The following IL34 variants were observed in gnomAD, a reference collection of about 807,000 sequenced individuals.
IL34 encodes interleukin-34.
IL34 carries 17 observed loss-of-function variants against 25.3 expected under a neutral mutation model. The observed-to-expected ratio is 0.67, with a 90% CI of 0.46 to 1.01. IL34 has a LOEUF of 1.01. Ranked by LOEUF, IL34 falls within the 50% of genes least tolerant of loss-of-function variation. The pLI is 0.00. For synonymous variants in IL34, 174 were observed against 140.9 expected (o/e 1.23, Z -1.66); for missense variants, 368 against 312.9 (o/e 1.18, Z -1.33).
intron 1 of IL34, among the ~76,000 whole-genome samples, chr16:70,625,185 T>G (rs2051364647): frequency 6.6e-6 from 1 of 151,894 alleles, no homozygotes; most frequent in Admixed American, 6.6e-5. Flanking sequence ...TGAAGAGGTT[T>G]TAAGTTCGTG....
chr16:70,646,634 T>A lies in IL34; in HGVS notation c.-314T>A. ...AGATTCCGAGGGGCCTGCCAGGGAC[T>A]CTCTCCTCCTGCTCCTTGGAAAGGA... On this transcript the variant is annotated 5_prime_UTR_variant, in exon 1 of 6. Transcript: ENST00000288098. 2.6e-6 allele frequency: 1 copy of A among 387,168 alleles called. No individual in the cohort carries two copies. Among genetic ancestry groups the A allele is most frequent in the Admixed American group, 4.6e-5 (1 of 21,658 alleles). The allele number at this position is 387,168 out of a possible 1,614,324, so 24.0% of individuals were successfully genotyped here.
upstream of IL34, among the ~76,000 whole-genome samples, chr16:70,645,091 AAGG>A (rs1218675243): frequency 7.7e-6 from 1 of 129,204 alleles, no homozygotes. Context: ...GAAGAGTAGG[AAGG>A]AGGAGGGGGA....
At chr16:70,591,008 C>A (rs2050748033) in intron 1 of IL34, among the ~76,000 whole-genome samples, 1 of 152,114 alleles carries the variant, frequency 6.6e-6, no homozygotes, top group African/African-American at 2.4e-5. Context: ...GGCCCCGGCC[C>A]CAGCCTGCTC....
chr16:70,655,401 T>A (rs1247853934), intron 2 of IL34, among the ~76,000 whole-genome samples: 1 of 151,500 alleles, frequency 6.6e-6, no homozygotes, highest in African/African-American at 2.4e-5. Context: ...CCTTTTCTTT[T>A]CTTTTGAGAC....
intron 1 of IL34, among the ~76,000 whole-genome samples, chr16:70,608,378 C>T (rs986870278): frequency 1.3e-5 from 2 of 152,144 alleles, no homozygotes; most frequent in African/African-American, 4.8e-5. Flanking sequence ...ATCCACCCGC[C>T]TTGGCCTCCC....
intron 1 of IL34, among the ~76,000 whole-genome samples, chr16:70,637,833 A>G (rs190304261): frequency 1.3e-5 from 2 of 152,268 alleles, no homozygotes; most frequent in Non-Finnish European, 2.9e-5. Flanking sequence ...AAAAGGTATA[A>G]TTATTTTGCT....
chr16:70,617,264 G>C (rs1183037990), intron 1 of IL34, among the ~76,000 whole-genome samples: 2 of 152,196 alleles, frequency 1.3e-5, no homozygotes, highest in South Asian at 4.1e-4. Flanking sequence ...CATCTGATTA[G>C]AGAGTGCCTA....
At position 70,660,174 on chromosome 16, in the gene IL34, G is replaced by A. The variant is rs1437583143; in HGVS notation, c.716G>A (p.Gly239Asp). 2 of 1,592,068 alleles carry A rather than the reference G, an allele frequency of 1.3e-6. No individual in the cohort carries two copies. Among genetic ancestry groups the A allele is most frequent in the Admixed American group, 3.6e-5 (2 of 56,246 alleles). Residue 239 changes from glycine to aspartate, a missense_variant, in exon 6 of 6, where the codon GGC (glycine) becomes GAC (aspartate). Coordinates refer to ENST00000288098, the MANE Select transcript of IL34 (RefSeq NM_001393494.1). ...SVRPVRAQGE[G>D]LLP ...AGGCCGGTCAGGGCACAGGGCGAGG[G>A]CCTCTTGCCCTGAGCACCCTGGATG...
chr16:70,594,576 C>G (rs1312549228), intron 1 of IL34, among the ~76,000 whole-genome samples: 1 of 152,134 alleles, frequency 6.6e-6, no homozygotes, highest in Non-Finnish European at 1.5e-5. Context: ...TATATTCAAG[C>G]TCTAATCTAA....
At chr16:70,614,053 G>A (rs776279673) in intron 1 of IL34, among the ~76,000 whole-genome samples, 1 of 151,772 alleles carries the variant, frequency 6.6e-6, no homozygotes, top group Admixed American at 6.6e-5. Flanking sequence ...GCGTGGTGGT[G>A]CACGCCTGTA....
Position 70,659,686 on chromosome 16 carries a change from G to C in IL34, c.471G>C (p.Lys157Asn). The C allele has an allele frequency of 6.2e-7, 1 of 1,612,810 alleles. No individual in the cohort carries two copies. The highest frequency in any genetic ancestry group is 1.1e-5 in the South Asian group (1 of 90,916). ...SLLNAPGPNL[K>N]LVRPKALLDN... is the part of the protein sequence containing the mutation. ...TGAATGCCCCAGGGCCAAACCTGAA[G>C]CTGGTGCGGCCCAAAGCCCTGCTGG... The change falls in exon 5 of 6, where the codon AAG (lysine) becomes AAC (asparagine). Residue 157 changes from lysine (K) to asparagine (N), a missense_variant. Lys to Asn is a moderately conservative substitution (Grantham distance 94). Transcript: ENST00000288098.
At chr16:70,585,426 CTCACGCCTG>C (rs2050681531) in intron 1 of IL34, among the ~76,000 whole-genome samples, 1 of 151,402 alleles carries the variant, frequency 6.6e-6, no homozygotes. Flanking sequence ...GGCGCGGTGG[CTCACGCCTG>C]TAATCCCAGC....
intron 1 of IL34, among the ~76,000 whole-genome samples, chr16:70,583,932 G>A (rs867999462): frequency 3.9e-4 from 59 of 152,198 alleles, no homozygotes; most frequent in African/African-American, 9.6e-4. Context: ...GATTACGAGC[G>A]TGAACCACCG....
chr16:70,645,184 A>C (rs1488891873), upstream of IL34, among the ~76,000 whole-genome samples: 1 of 151,522 alleles, frequency 6.6e-6, no homozygotes, highest in Non-Finnish European at 1.5e-5. Flanking sequence ...AAGGAGGAAA[A>C]GGAGGAAGGA....
At position 70,654,521 on chromosome 16, in the gene IL34, T is replaced by A; in HGVS notation, c.29-17T>A. On this transcript the variant is annotated splice_polypyrimidine_tract_variant and intron_variant, in intron 1 of 5. Coordinates refer to ENST00000288098, the MANE Select transcript of IL34 (RefSeq NM_001393494.1). Reference sequence around the variant, plus strand: ...GATGGAGGGTGCTCATGTGCTCTTGTCGGGTGTGGTCCACAGATCTTGGGA... The same window carrying A: ...GATGGAGGGTGCTCATGTGCTCTTGACGGGTGTGGTCCACAGATCTTGGGA... The A allele has an allele frequency of 9.4e-6, 15 of 1,598,352 alleles. No individual in the cohort carries two copies. The highest frequency in any genetic ancestry group is 1.3e-5 in the African/African-American group (1 of 74,818).
rs138439611 is a variant in IL34 at position 70,660,088 on chromosome 16, C to A, written c.630C>A (p.Thr210=). The change falls in exon 6 of 6, where the codon ACC becomes ACA. Residue 210 remains threonine, a synonymous_variant. Coordinates refer to ENST00000288098, the MANE Select transcript of IL34 (RefSeq NM_001393494.1). Reference sequence around the variant, plus strand: ...AGCCCTCATTGCAGTATGCGGCCACCCAGCTGTACCCTCCGCCCCCGTGGT... The same window carrying A: ...AGCCCTCATTGCAGTATGCGGCCACACAGCTGTACCCTCCGCCCCCGTGGT... ...SPEPSLQYAA[T]QLYPPPPWSP... is the part of the protein sequence containing the mutation. The A allele has an allele frequency of 2.5e-6, 4 of 1,613,726 alleles. No homozygotes were observed. Among genetic ancestry groups the A allele is most frequent in the Non-Finnish European group, 3.4e-6 (4 of 1,179,894 alleles).
intron 1 of IL34, among the ~76,000 whole-genome samples, chr16:70,620,521 G>A (rs2051258822): frequency 6.6e-6 from 1 of 152,126 alleles, no homozygotes; most frequent in Admixed American, 6.5e-5. Flanking sequence ...GGAGGGGAGA[G>A]GTCAGATGGG....
At chr16:70,619,108 T>C (rs868500013) in intron 1 of IL34, among the ~76,000 whole-genome samples, 55 of 151,962 alleles carry the variant, frequency 3.6e-4, no homozygotes, top group African/African-American at 1.2e-3. Context: ...TTAGGACAGG[T>C]AAAATGGGGG....
At position 70,652,123 on chromosome 16, in the gene IL34, G is replaced by A. The variant is rs562126249; in HGVS notation, c.29-2415G>A. Among the ~76,000 whole-genome samples, 7 of 142,100 alleles carry A rather than the reference G, an allele frequency of 4.9e-5. No homozygotes were observed. The South Asian group carries it at 1.1e-3, about 22-fold the overall frequency. 93.2% of individuals were successfully genotyped at this position (142,100 alleles called of 152,430 possible). ...AGCCTGGGTGACAGAGCGGGACTCC[G>A]TCTCAAAAAAAAAATAAATAAAAAT... is the stretch of plus-strand genomic sequence containing the variant. On this transcript the variant is annotated intron_variant, in intron 1 of 5. Transcript: ENST00000288098.
Sources: gnomAD v4.1 joint callset for allele counts (sites outside exome capture counted in the v4.1 genomes callset) on GRCh38, gnomAD v4.1.1 for gene constraint, MANE v1.5 for transcripts, NCBI Gene and HGNC (gene_info 2026-07-23, HGNC 2026-07-21) for gene names.